The following FSCN2 variants were observed in gnomAD, a reference collection of about 807,000 sequenced individuals.
FSCN2 encodes fascin-2.
Under a neutral mutation model 37.8 loss-of-function variants are expected in FSCN2, and 46 were observed. That is an observed-to-expected ratio of 1.22 (90% CI 0.96 to 1.56). The LOEUF (loss-of-function observed/expected upper bound fraction) is 1.56. FSCN2 is among the 40% of genes most tolerant of loss of function. FSCN2 has a pLI of 0.00. For missense variants in FSCN2, 844 were observed against 730.4 expected, an observed-to-expected ratio of 1.16 and a Z score of -1.79; for synonymous variants, 351 against 309.4, an observed-to-expected ratio of 1.13 and a Z score of -1.41.
chr17:81,534,149 C>T (rs537701484), intron 1 of FSCN2, among the ~76,000 whole-genome samples: 32 of 152,252 alleles, frequency 2.1e-4, no homozygotes, highest in East Asian at 1.5e-3. Flanking sequence ...CAGCCTGGGG[C>T]GTGAGGGGCA....
chr17:81,528,619 G>A lies in FSCN2; in HGVS notation c.88G>A (p.Gly30Ser), dbSNP rs781809699. 1.7e-5 allele frequency: 27 copies of A among 1,606,900 alleles called. No homozygotes were observed. The highest frequency in any genetic ancestry group is 1.6e-4 in the Middle Eastern group (1 of 6,082). ...CCGCTACCTGACAGCTGAGAGCTTCGGCTTCAAGGTCAATGCCTCGGCACC... is the reference window on the plus strand; with the variant it reads ...CCGCTACCTGACAGCTGAGAGCTTCAGCTTCAAGGTCAATGCCTCGGCACC... ...TDRYLTAESF[G>S]FKVNASAPSL... The change falls in exon 1 of 5, where the codon GGC (glycine) becomes AGC (serine). Residue 30 changes from glycine to serine, a missense_variant. Transcript: ENST00000417245.
At chr17:81,530,657 C>A (rs1555671128) in intron 1 of FSCN2, 1 of 505,718 alleles carries the variant, frequency 2.0e-6, no homozygotes, top group Non-Finnish European at 3.9e-6. Context: ...ACCAAGCCCC[C>A]ACCCTGACGG....
intron 1 of FSCN2, among the ~76,000 whole-genome samples, chr17:81,532,836 C>G (rs2032744521): frequency 6.6e-6 from 1 of 151,724 alleles, no homozygotes; most frequent in South Asian, 2.1e-4. Flanking sequence ...GTCTCTTGAT[C>G]CTCAACCACC....
chr17:81,531,162 ATGATGGTGG>A (rs1246128398), intron 1 of FSCN2, among the ~76,000 whole-genome samples: 132 of 112,826 alleles, frequency 1.2e-3, no homozygotes, highest in Non-Finnish European at 1.9e-3. Flanking sequence ...GGTGATGGTG[ATGATGGTGG>A]TGATGGTGAT....
rs1751505597 is a variant in FSCN2, at chr17:81,528,613, A to G, written c.82A>G (p.Ser28Gly). 6.2e-7 allele frequency: 1 copy of G among 1,608,078 alleles called. No individual in the cohort carries two copies. The highest frequency in any genetic ancestry group is 1.3e-5 in the African/African-American group (1 of 74,962). Residue 28 changes from serine (S) to glycine (G), a missense_variant, in exon 1 of 5, where the codon AGC becomes GGC. By Grantham distance (56) the Ser-to-Gly change is moderately conservative. Transcript: ENST00000417245. Reference sequence around the variant, plus strand: ...CACTGACCGCTACCTGACAGCTGAGAGCTTCGGCTTCAAGGTCAATGCCTC... The same window carrying G: ...CACTGACCGCTACCTGACAGCTGAGGGCTTCGGCTTCAAGGTCAATGCCTC... ...NDTDRYLTAE[S>G]FGFKVNASAP...
chr17:81,531,497 G>GGTGATA (rs2032596334), intron 1 of FSCN2, among the ~76,000 whole-genome samples: 1 of 140,556 alleles, frequency 7.1e-6, no homozygotes, highest in African/African-American at 2.9e-5. Flanking sequence ...TGATGGTGAT[G>GGTGATA]GTGATGGTGG....
At chr17:81,515,330 G>T in the FSCN2 span, among the ~76,000 whole-genome samples, 2 of 152,220 alleles carry the variant, frequency 1.3e-5, no homozygotes, top group African/African-American at 4.8e-5. Context: ...CCTGGGGAGG[G>T]GACCGCATGG....
At chr17:81,522,922 C>T in the FSCN2 span, among the ~76,000 whole-genome samples, 37 of 152,368 alleles carry the variant, frequency 2.4e-4, no homozygotes, top group Non-Finnish European at 5.3e-4. Flanking sequence ...GGGTTGGAGG[C>T]TCCATCGCCC....
At chr17:81,518,638 C>T in the FSCN2 span, among the ~76,000 whole-genome samples, 1 of 152,194 alleles carries the variant, frequency 6.6e-6, no homozygotes, top group Non-Finnish European at 1.5e-5. Context: ...CTCCAGCTCT[C>T]CCCGCGGCAG....
At chr17:81,532,208 GATA>G (rs2032684311) in intron 1 of FSCN2, among the ~76,000 whole-genome samples, 3 of 147,970 alleles carry the variant, frequency 2.0e-5, no homozygotes, top group Admixed American at 6.7e-5. Flanking sequence ...TGGTGGTGAT[GATA>G]GTGATGGTGA....
intron 1 of FSCN2, among the ~76,000 whole-genome samples, chr17:81,531,812 G>GATA (rs2032639198): frequency 8.0e-6 from 1 of 125,766 alleles, no homozygotes; most frequent in Non-Finnish European, 1.5e-5. Context: ...TGGTGATGAT[G>GATA]GTGGTGGTGA....
chr17:81,521,938 G>C, the FSCN2 span, among the ~76,000 whole-genome samples: 1 of 152,206 alleles, frequency 6.6e-6, no homozygotes. Context: ...ACTTGTCCCA[G>C]AAATGTCCTC....
At chr17:81,518,572 G>A in the FSCN2 span, among the ~76,000 whole-genome samples, 1 of 152,210 alleles carries the variant, frequency 6.6e-6, no homozygotes. Flanking sequence ...AGGGAGGGGA[G>A]TCGTTTTCGC....
chr17:81,536,302 G>T, intron 3 of FSCN2, 35 bp downstream of exon 3: 1 of 1,575,412 alleles, frequency 6.3e-7, no homozygotes, highest in South Asian at 1.2e-5. Flanking sequence ...TGGGGCAGGG[G>T]CTGTCTCCAC....
At chr17:81,532,040 GAT>G (rs2032665486) in intron 1 of FSCN2, among the ~76,000 whole-genome samples, 6 of 135,440 alleles carry the variant, frequency 4.4e-5, no homozygotes, top group Non-Finnish European at 3.3e-5. Flanking sequence ...TGGTGATGAT[GAT>G]GGTGATGATG....
rs2032905684 is a variant in FSCN2, at chr17:81,536,950, T to A, written c.1349T>A (p.Val450Asp). 6.4e-7 allele frequency: 1 copy of A among 1,563,836 alleles called. No homozygotes were observed. Among genetic ancestry groups the A allele is most frequent in the African/African-American group, 1.4e-5 (1 of 70,896 alleles). ...CSDGERAEDF[V>D]FEFRERGRLA... is the part of the protein sequence containing the mutation. ...GACGGCGAACGCGCCGAGGACTTCG[T>A]CTTCGAGTTCCGTGAGCGCGGCCGC... is the stretch of plus-strand genomic sequence containing the variant. Residue 450 changes from valine (V) to aspartate (D), a missense_variant, in exon 5 of 5, where the codon GTC becomes GAC. Val to Asp is a radical substitution (Grantham distance 152). Coordinates refer to ENST00000417245, the MANE Select transcript of FSCN2 (RefSeq NM_012418.4).
intron 1 of FSCN2, among the ~76,000 whole-genome samples, chr17:81,532,358 G>A (rs562110805): frequency 6.9e-6 from 1 of 144,770 alleles, no homozygotes; most frequent in South Asian, 2.2e-4. Context: ...TAGTGATGGT[G>A]GTGATGGTGA....
At position 81,536,911 on chromosome 17, in the gene FSCN2, G is replaced by A. The variant is rs750516581; in HGVS notation, c.1310G>A (p.Gly437Asp). ...DGGFWYTGSH[G>D]SVCSDGERAE... ...GGGTTCTGGTACACGGGCAGCCACG[G>A]CAGCGTGTGCAGCGACGGCGAACGC... Residue 437 changes from glycine to aspartate, a missense_variant, in exon 5 of 5, where the codon GGC (glycine) becomes GAC (aspartate). By Grantham distance (94) the Gly-to-Asp change is moderately conservative. Coordinates refer to ENST00000417245, the MANE Select transcript of FSCN2 (RefSeq NM_012418.4). 6.4e-7 allele frequency: 1 copy of A among 1,574,760 alleles called. No homozygotes were observed. The highest frequency in any genetic ancestry group is 8.6e-7 in the Non-Finnish European group (1 of 1,164,480).
At chr17:81,526,160 CTAA>C (rs1167224951), upstream of FSCN2, among the ~76,000 whole-genome samples, 1 of 152,238 alleles carries the variant, frequency 6.6e-6, no homozygotes, top group Non-Finnish European at 1.5e-5. Flanking sequence ...CCAGACAGCG[CTAA>C]TGAGGCCGTC....
Sources: gnomAD v4.1 joint callset for allele counts (sites outside exome capture counted in the v4.1 genomes callset) on GRCh38, gnomAD v4.1.1 for gene constraint, MANE v1.5 for transcripts, NCBI Gene and HGNC (gene_info 2026-07-23, HGNC 2026-07-21) for gene names.